The following KALRN variants were observed in gnomAD, a reference collection of about 807,000 sequenced individuals.
KALRN encodes kalirin RhoGEF kinase, also known as kalirin.
Under a neutral mutation model 353.7 loss-of-function variants are expected in KALRN, and 70 were observed. The observed-to-expected ratio is 0.20, with a 90% CI of 0.16 to 0.24. KALRN has a LOEUF of 0.24. Among genes scored for constraint, KALRN ranks in the 10% least tolerant of loss-of-function variants. The pLI is 1.00. For synonymous variants in KALRN, 1,391 were observed against 1,434.8 expected (o/e 0.97, Z 0.69); for missense variants, 2,791 against 3,756.7 (o/e 0.74, Z 6.72).
chr3:124,436,987 G>A (rs1480043759), intron 17 of KALRN, among the ~76,000 whole-genome samples: 1 of 145,868 alleles, frequency 6.9e-6, no homozygotes, highest in Non-Finnish European at 1.5e-5. Context: ...CCTCAAGTTT[G>A]GTGACAGATC....
chr3:124,330,003 A>G lies in KALRN; in HGVS notation c.1416+11A>G. 3 of 1,612,540 alleles carry G rather than the reference A, an allele frequency of 1.9e-6. No homozygotes were observed. Among genetic ancestry groups the G allele is most frequent in the Non-Finnish European group, 2.5e-6 (3 of 1,179,240 alleles). Reference sequence around the variant, plus strand: ...CAAGCCTACACAGAGGTGAGAATGGAGCAGGGCAACCATGGTTCTTGGGCA... The same window carrying G: ...CAAGCCTACACAGAGGTGAGAATGGGGCAGGGCAACCATGGTTCTTGGGCA... On this transcript the variant is annotated intron_variant, in intron 8 of 59. Coordinates refer to ENST00000682506, the MANE Select transcript of KALRN (RefSeq NM_001388419.1).
At chr3:124,627,686 T>C (rs1438891015) in intron 34 of KALRN, among the ~76,000 whole-genome samples, 3 of 152,228 alleles carry the variant, frequency 2.0e-5, no homozygotes, top group Non-Finnish European at 4.4e-5. Context: ...AGCAGAAAGA[T>C]AGCAGAGAGG....
At chr3:124,309,310 C>A (rs1400703465) in intron 6 of KALRN, among the ~76,000 whole-genome samples, 3 of 151,160 alleles carry the variant, frequency 2.0e-5, no homozygotes, top group African/African-American at 7.3e-5. Flanking sequence ...TACCCTGATA[C>A]CAAATCCAGA....
rs370394911 is a variant in KALRN at position 124,664,370 on chromosome 3, T to TGTGTGTGC, written c.6346-2078_6346-2077insTGTGTGCG. On this transcript the variant is annotated intron_variant, in intron 45 of 59. Coordinates refer to ENST00000682506, the MANE Select transcript of KALRN (RefSeq NM_001388419.1). ...GTGTGTGTGTGTGTGTGTGTGTGTG[T>TGTGTGTGC]GCGCGCGCGCGCATATAAGGGCACC... Among the ~76,000 whole-genome samples the TGTGTGTGC allele has an allele frequency of 5.0e-3, 650 of 129,528 alleles. 7 individuals are homozygous for TGTGTGTGC. Among genetic ancestry groups the TGTGTGTGC allele is most frequent in the African/African-American group, 0.016 (550 of 34,524 alleles). The allele number at this position is 129,528 out of a possible 152,430, so 85.0% of individuals were successfully genotyped here. A position where few individuals can be genotyped will look rare whatever the true frequency, so the allele number is the denominator to read the frequency against.
intron 42 of KALRN, 31 bp downstream of exon 42, chr3:124,658,548 T>C (rs929738877): frequency 5.7e-6 from 9 of 1,579,976 alleles, no homozygotes; most frequent in Middle Eastern, 1.7e-4. Context: ...TGAACTGGGG[T>C]GGGAGGAAAA....
intron 1 of KALRN, among the ~76,000 whole-genome samples, chr3:124,121,877 C>G (rs1452400110): frequency 6.6e-6 from 1 of 152,176 alleles, no homozygotes; most frequent in Non-Finnish European, 1.5e-5. Context: ...TGTTAGCAGA[C>G]ACTCAGAAAA....
intron 1 of KALRN, among the ~76,000 whole-genome samples, chr3:124,181,813 A>G (rs2073636287): frequency 1.3e-5 from 2 of 152,232 alleles, no homozygotes; most frequent in South Asian, 2.1e-4. Flanking sequence ...GGAGCACAGC[A>G]TCTCTTCTCT....
intron 57 of KALRN, among the ~76,000 whole-genome samples, chr3:124,704,463 G>A (rs1432891839): frequency 6.6e-6 from 1 of 152,262 alleles, no homozygotes; most frequent in Middle Eastern, 3.4e-3. Flanking sequence ...TCTCTCCTAA[G>A]AATAGTCCTT....
intron 23 of KALRN, among the ~76,000 whole-genome samples, chr3:124,459,111 T>C (rs978937371): frequency 2.6e-5 from 4 of 152,150 alleles, no homozygotes; most frequent in Non-Finnish European, 5.9e-5. Context: ...TAAGGCATGC[T>C]TTAGGAGGCA....
intron 10 of KALRN, among the ~76,000 whole-genome samples, chr3:124,357,384 G>A (rs1182928639): frequency 6.6e-6 from 1 of 152,164 alleles, no homozygotes; most frequent in East Asian, 1.9e-4. Flanking sequence ...AATGGTTATG[G>A]AACCTATAGA....
chr3:124,594,508 G>A (rs966999078), intron 34 of KALRN, among the ~76,000 whole-genome samples: 2 of 152,224 alleles, frequency 1.3e-5, no homozygotes, highest in Non-Finnish European at 2.9e-5. Context: ...ACAGGTGTGA[G>A]CCACCGCGCC....
intron 33 of KALRN, among the ~76,000 whole-genome samples, chr3:124,524,801 T>G (rs75385610): frequency 0.021 from 3,195 of 152,318 alleles, 78 homozygotes; most frequent in East Asian, 0.069. Context: ...TATTTCAAAC[T>G]TATAATCCAG....
intron 34 of KALRN, among the ~76,000 whole-genome samples, chr3:124,592,873 A>G (rs181724437): frequency 7.8e-4 from 119 of 152,348 alleles, no homozygotes; most frequent in Non-Finnish European, 1.5e-3. Context: ...TTGCCAAGTG[A>G]AAGAGCAAAG....
At chr3:124,564,937 C>T (rs1023724181) in intron 34 of KALRN, among the ~76,000 whole-genome samples, 1 of 152,250 alleles carries the variant, frequency 6.6e-6, no homozygotes, top group African/African-American at 2.4e-5. Context: ...AGATAATCAG[C>T]AGCAGGCATG....
chr3:124,562,995 C>A lies in KALRN; in HGVS notation c.5088C>A (p.Ser1696Arg), dbSNP rs771544833. 2 of 1,367,924 alleles carry A rather than the reference C, an allele frequency of 1.5e-6. No homozygotes were observed. Among genetic ancestry groups the A allele is most frequent in the African/African-American group, 1.5e-5 (1 of 67,880 alleles). 84.7% of individuals were successfully genotyped at this position (1,367,924 alleles called of 1,614,324 possible). ...GTCTGGTCCGTACCACCGAACGGAG[C>A]CCGCCCTTGGAGGGTCTGGTCCCCA... ...GWCLVRTTER[S>R]PPLEGLVPSS... Residue 1696 changes from serine (S) to arginine (R), a missense_variant, in exon 34 of 60, where the codon AGC becomes AGA. Ser to Arg is a moderately radical substitution (Grantham distance 110). Transcript: ENST00000682506.
intron 1 of KALRN, among the ~76,000 whole-genome samples, chr3:124,142,124 TACTC>T (rs765084686): frequency 7.7e-4 from 118 of 152,346 alleles, no homozygotes; most frequent in Middle Eastern, 6.8e-3. Flanking sequence ...CCCCAGGTGA[TACTC>T]ACCTCTGCTC....
chr3:124,487,927 G>A (rs1338988034), intron 28 of KALRN, among the ~76,000 whole-genome samples: 1 of 152,212 alleles, frequency 6.6e-6, no homozygotes, highest in African/African-American at 2.4e-5. Context: ...TCCAGTGACA[G>A]AGAATGCCTC....
chr3:124,473,622 A>G (rs1360349716), intron 25 of KALRN, among the ~76,000 whole-genome samples: 3 of 152,194 alleles, frequency 2.0e-5, no homozygotes, highest in African/African-American at 4.8e-5. Flanking sequence ...GCTGCATAGT[A>G]TATAGCTCTG....
At chr3:124,284,940 G>T (rs2075692388) in intron 5 of KALRN, among the ~76,000 whole-genome samples, 1 of 152,166 alleles carries the variant, frequency 6.6e-6, no homozygotes, top group Admixed American at 6.5e-5. Context: ...GTTTGGCCGA[G>T]AACTTCCTTG....
Sources: gnomAD v4.1 joint callset for allele counts (sites outside exome capture counted in the v4.1 genomes callset) on GRCh38, gnomAD v4.1.1 for gene constraint, MANE v1.5 for transcripts, NCBI Gene and HGNC (gene_info 2026-07-23, HGNC 2026-07-21) for gene names.